The following NOS3 variants were observed in gnomAD, a reference collection of about 807,000 sequenced individuals.
The protein encoded by NOS3 is nitric oxide synthase 3, also known as NOS type III.
In NOS3, 98 loss-of-function variants were observed where a neutral mutation model predicts 144.9. The ratio of observed to expected loss-of-function variants is 0.68; its 90% CI spans 0.57 to 0.80. The LOEUF is 0.80. NOS3 is among the 30% of genes least tolerant of loss of function. The pLI is 0.00. For missense variants in NOS3, 1,465 were observed against 1,656.4 expected (o/e 0.88, Z 2.01); for synonymous variants, 714 against 702.4 (o/e 1.02, Z -0.26).
At position 151,005,127 on chromosome 7, in the gene NOS3, A is replaced by G. The variant is rs571891123; in HGVS notation, c.1753-1300A>G. 1.3e-4 allele frequency among the ~76,000 whole-genome samples: 19 copies of G among 151,702 alleles called. No individual in the cohort carries two copies. In the South Asian group the frequency reaches 4.0e-3, roughly 32 times the overall value. ...AGTGCTGGGATTACAGGCGTGAGCC[A>G]CCACGCCCAGCCACGGGTAATGTTT... On this transcript the variant is annotated intron_variant, in intron 14 of 26. Coordinates refer to ENST00000297494, the MANE Select transcript of NOS3 (RefSeq NM_000603.5).
chr7:151,010,677 G>A lies in NOS3; in HGVS notation c.2766G>A (p.Ala922=), dbSNP rs1309870129. 6 of 1,608,462 alleles carry A rather than the reference G, an allele frequency of 3.7e-6. No homozygotes were observed. The highest frequency in any genetic ancestry group is 1.6e-4 in the Middle Eastern group (1 of 6,070). Reference sequence around the variant, plus strand: ...TGCTGGAGCAGTTCCCGTCGGTGGCGCTGCCTGCCCCACTGCTCCTCACCC... The same window carrying A: ...TGCTGGAGCAGTTCCCGTCGGTGGCACTGCCTGCCCCACTGCTCCTCACCC... ...LEVLEQFPSV[A]LPAPLLLTQL... The change falls in exon 22 of 27, where the codon GCG becomes GCA. Residue 922 remains alanine (A), a synonymous_variant. Coordinates refer to ENST00000297494, the MANE Select transcript of NOS3 (RefSeq NM_000603.5).
chr7:150,998,403 A>G lies in NOS3; in HGVS notation c.629A>G (p.Tyr210Cys), dbSNP rs1217772298. 6.2e-7 allele frequency: 1 copy of G among 1,612,310 alleles called. No individual in the cohort carries two copies. ...AGGTCTGCACAGGAAATGTTCACCT[A>G]CATCTGCAACCACATCAAGTATGCC... ...DCRSAQEMFT[Y>C]ICNHIKYATN... The change falls in exon 6 of 27, where the codon TAC (tyrosine) becomes TGC (cysteine). Residue 210 changes from tyrosine (Y) to cysteine (C), a missense_variant. Coordinates refer to ENST00000297494, the MANE Select transcript of NOS3 (RefSeq NM_000603.5). The surrounding 1 kb of genome is among the most constrained non-coding windows in gnomAD (Gnocchi z 5.0).
At position 150,998,503 on chromosome 7, in the gene NOS3, C is replaced by T. The variant is rs768761246; in HGVS notation, c.675-36C>T. ...GCCTTCTTCCCCAAGGCAGGGAAGG[C>T]GGGGCTCTGACCAGCTCTTTCCCCA... On this transcript the variant is annotated intron_variant, in intron 6 of 26. Transcript: ENST00000297494. The surrounding 1 kb of genome is among the most constrained non-coding windows in gnomAD (Gnocchi z 5.0). The T allele has an allele frequency of 1.7e-5, 27 of 1,610,622 alleles. No homozygotes were observed. The highest frequency in any genetic ancestry group is 1.0e-4 in the Admixed American group (6 of 59,804).
At position 150,999,578 on chromosome 7, in the gene NOS3, G is replaced by A. The variant is rs562862206; in HGVS notation, c.1131+214G>A. Among the ~76,000 whole-genome samples the A allele has an allele frequency of 2.6e-4, 39 of 152,128 alleles. No homozygotes were observed. In the South Asian group the frequency reaches 7.7e-3, roughly 30 times the overall value. ...TGGGGGTGTGAGTGGGTGAGTGTGA[G>A]AGTGTGGGTTTCTGGGGTGTGCAGT... is the stretch of plus-strand genomic sequence containing the variant. On this transcript the variant is annotated intron_variant, in intron 9 of 26. Transcript: ENST00000297494.
rs1299288169 is a variant in NOS3 at position 151,003,535 on chromosome 7, GACT to G, written c.1752+1232_1752+1234del. On this transcript the variant is annotated intron_variant, in intron 14 of 26. Transcript: ENST00000297494. The surrounding 1 kb of genome is among the most constrained non-coding windows in gnomAD (Gnocchi z 4.1). ...TTCAAGAAAAATAGCACCAGCAATT[GACT>G]TTTTTTTAGCATAAAGGTGTATAGA... The G allele has an allele frequency of 7.1e-6, 9 of 1,271,764 alleles. No homozygotes were observed. Among genetic ancestry groups the G allele is most frequent in the Middle Eastern group, 4.4e-4 (2 of 4,576 alleles). The allele number at this position is 1,271,764 out of a possible 1,614,324, so 78.8% of individuals were successfully genotyped here. A position where few individuals can be genotyped will look rare whatever the true frequency, so the allele number is the denominator to read the frequency against.
intron 9 of NOS3, 36 bp downstream of exon 9, chr7:150,999,400 C>G (rs1397755218): frequency 2.6e-6 from 4 of 1,531,290 alleles, no homozygotes; most frequent in Middle Eastern, 1.7e-4. Flanking sequence ...ACCGAATGCA[C>G]CTGTCCAAGG....
Position 150,999,373 on chromosome 7 carries a change from C to G in NOS3, c.1131+9C>G, listed in dbSNP as rs144439682. On this transcript the variant is annotated intron_variant, in intron 9 of 26. Transcript: ENST00000297494. ...GCTACAACATCCTGGAGGTGAGGTG[C>G]GGGATGGGGCTCGGGCACCGAATGC... The G allele has an allele frequency of 3.5e-5, 55 of 1,555,622 alleles. 1 individual carries two copies. The highest frequency in any genetic ancestry group is 8.7e-6 in the Non-Finnish European group (10 of 1,149,552).
chr7:151,000,162 T>C (rs1222723680), intron 9 of NOS3, among the ~76,000 whole-genome samples: 1 of 151,262 alleles, frequency 6.6e-6, no homozygotes, highest in Admixed American at 6.6e-5. Context: ...TGGGGATGGG[T>C]GTGAACATGT....
chr7:151,011,121 G>C (rs2117135294), intron 23 of NOS3, 135 bp downstream of exon 23: 1 of 654,246 alleles, frequency 1.5e-6, no homozygotes, highest in East Asian at 2.7e-5. Context: ...GGTGTCATTA[G>C]GTCACTTCAG....
Position 151,002,004 on chromosome 7 carries a change from G to A in NOS3, c.1647+39G>A. 1 of 1,610,088 alleles carries A rather than the reference G, an allele frequency of 6.2e-7. No individual in the cohort carries two copies. Among genetic ancestry groups the A allele is most frequent in the Non-Finnish European group, 8.5e-7 (1 of 1,177,922 alleles). On this transcript the variant is annotated intron_variant, in intron 13 of 26. Coordinates refer to ENST00000297494, the MANE Select transcript of NOS3 (RefSeq NM_000603.5). The surrounding 1 kb of genome is among the most constrained non-coding windows in gnomAD (Gnocchi z 4.1). ...CAGGGGAGCAGGGAGCTAGAAAGAG[G>A]GGGCTCTATCAGCATCTTCAGGGGT...
chr7:151,010,313 A>G (rs763721320), intron 21 of NOS3, 26 bp downstream of exon 21: 2 of 1,590,646 alleles, frequency 1.3e-6, no homozygotes, highest in Non-Finnish European at 8.6e-7. Flanking sequence ...AATGAGGCAC[A>G]GGGGCTAGAG....
chr7:150,999,035 CT>C lies in NOS3; in HGVS notation c.908del (p.Phe303SerfsTer56). 6.2e-7 allele frequency: 1 copy of C among 1,612,602 alleles called. No individual in the cohort carries two copies. The highest frequency in any genetic ancestry group is 1.1e-5 in the South Asian group (1 of 91,076). On this transcript the variant is annotated frameshift_variant, in exon 8 of 27. Coordinates refer to ENST00000297494, the MANE Select transcript of NOS3 (RefSeq NM_000603.5). LOFTEE classifies it high-confidence loss of function. ...LQAPDDPPEL[F>X]LLPPELVLEV... ...AGGCCCCAGATGATCCCCCAGAACTCTTCCTTCTGCCCCCCGAGCTGGTCCT... is the reference window on the plus strand; with the variant it reads ...AGGCCCCAGATGATCCCCCAGAACTCTCCTTCTGCCCCCCGAGCTGGTCCT...
chr7:151,009,643 C>A, intron 20 of NOS3, 58 bp downstream of exon 20: 1 of 1,407,502 alleles, frequency 7.1e-7, no homozygotes, highest in Non-Finnish European at 9.4e-7. Flanking sequence ...GCCCCACCCC[C>A]GGCCCCAGGC....
chr7:151,010,401 G>T, intron 21 of NOS3, 114 bp downstream of exon 21: 1 of 1,094,592 alleles, frequency 9.1e-7, no homozygotes, highest in South Asian at 1.6e-5. Context: ...TCTCCTGGCC[G>T]ACATGCACTG....
At chr7:150,994,146 C>T (rs562739656) in intron 2 of NOS3, among the ~76,000 whole-genome samples, 185 bp downstream of exon 2, 11 of 152,308 alleles carry the variant, frequency 7.2e-5, no homozygotes, top group African/African-American at 2.2e-4. Flanking sequence ...GGATCAGAGT[C>T]GGCAGGTGAA....
In NOS3 at chr7:151,001,278, C is replaced by T. The variant is rs543920266; in HGVS notation, c.1281C>T (p.Phe427=). ...ACCACCACGCCGCCACGGCCTCTTT[C>T]ATGAAGCACCTGGAGAATGAGCAGA... The part of the protein sequence containing the change: ...IVDHHAATAS[F]MKHLENEQKA... Residue 427 remains phenylalanine (F), a synonymous_variant, in exon 11 of 27, where the codon TTC becomes TTT. Transcript: ENST00000297494. 9.3e-6 allele frequency: 15 copies of T among 1,613,856 alleles called. No individual in the cohort carries two copies. The South Asian group carries it at 1.6e-4, about 18-fold the overall frequency.
At chr7:151,013,530 C>A in intron 25 of NOS3, 151 bp downstream of exon 25, 1 of 1,180,082 alleles carries the variant, frequency 8.5e-7, no homozygotes, top group Non-Finnish European at 1.2e-6. Flanking sequence ...CCTTGTGCCC[C>A]GGCCCCTCTA....
intron 23 of NOS3, 68 bp downstream of exon 23, chr7:151,011,054 C>A: frequency 9.3e-7 from 1 of 1,073,512 alleles, no homozygotes; most frequent in South Asian, 1.3e-5. Context: ...TGAGGAGTGT[C>A]ACTGGTGAGG....
chr7:151,013,961 T>C (rs1795378223), intron 26 of NOS3, 43 bp downstream of exon 26: 3 of 1,606,154 alleles, frequency 1.9e-6, no homozygotes, highest in African/African-American at 1.3e-5. Flanking sequence ...GGGTTCCTGC[T>C]AAGGTCTCCG....
Sources: gnomAD v4.1 joint callset for allele counts (sites outside exome capture counted in the v4.1 genomes callset) on GRCh38, gnomAD v4.1.1 for gene constraint, Gnocchi (gnomAD v3.1) non-coding constraint, MANE v1.5 for transcripts, NCBI Gene and HGNC (gene_info 2026-07-23, HGNC 2026-07-21) for gene names.